The following KIAA0825 variants were observed in gnomAD, a reference collection of about 807,000 sequenced individuals.
KIAA0825 encodes the protein uncharacterized protein KIAA0825.
A neutral mutation model predicts 147.6 loss-of-function variants in KIAA0825; 119 were observed. The ratio of observed to expected loss-of-function variants is 0.81; its 90% confidence interval spans 0.69 to 0.94. The LOEUF (loss-of-function observed/expected upper bound fraction) is 0.94, where lower values mean the gene tolerates loss of function less well. Among genes scored for constraint, KIAA0825 ranks in the 40% least tolerant of loss-of-function variants. KIAA0825 has a pLI of 0.00. For synonymous variants in KIAA0825, 470 were observed against 518.1 expected (o/e 0.91, Z 1.26); for missense variants, 1,381 against 1,472.7 (o/e 0.94, Z 1.02).
At chr5:94,487,765 C>A (rs1169820244) in intron 5 of KIAA0825, among the ~76,000 whole-genome samples, 1 of 152,068 alleles carries the variant, frequency 6.6e-6, no homozygotes, top group East Asian at 1.9e-4. Flanking sequence ...AACCCCATCT[C>A]TACAAAAAAA....
intron 16 of KIAA0825, among the ~76,000 whole-genome samples, chr5:94,400,609 T>C (rs1262370941): frequency 1.3e-5 from 2 of 152,192 alleles, no homozygotes; most frequent in African/African-American, 2.4e-5. Flanking sequence ...AAAAAAGTAA[T>C]TTACTGTTGA....
chr5:94,400,773 T>C (rs558672322), intron 16 of KIAA0825, among the ~76,000 whole-genome samples: 1 of 152,274 alleles, frequency 6.6e-6, no homozygotes, highest in East Asian at 1.9e-4. Context: ...CATCCAACTC[T>C]CCAGTAAATC....
chr5:94,542,790 G>A (rs1371899891), intron 2 of KIAA0825, among the ~76,000 whole-genome samples: 1 of 151,908 alleles, frequency 6.6e-6, no homozygotes, highest in Non-Finnish European at 1.5e-5. Context: ...CTGGGTGACG[G>A]AGCGAGATTC....
At chr5:94,500,790 T>G (rs1764983264) in intron 5 of KIAA0825, among the ~76,000 whole-genome samples, 1 of 152,156 alleles carries the variant, frequency 6.6e-6, no homozygotes, top group Non-Finnish European at 1.5e-5. Flanking sequence ...CTATTATTAT[T>G]TTTTGTGATG....
chr5:94,184,701 T>A (rs1769967860), intron 20 of KIAA0825, among the ~76,000 whole-genome samples: 1 of 152,178 alleles, frequency 6.6e-6, no homozygotes, highest in Non-Finnish European at 1.5e-5. Flanking sequence ...ATGCATATAT[T>A]TATATATACA....
chr5:94,326,635 G>A (rs1780721146), intron 20 of KIAA0825, among the ~76,000 whole-genome samples: 1 of 152,130 alleles, frequency 6.6e-6, no homozygotes, highest in African/African-American at 2.4e-5. Flanking sequence ...ACATTTCACT[G>A]ACCTGTTATG....
intron 20 of KIAA0825, among the ~76,000 whole-genome samples, chr5:94,270,033 T>C (rs2150141460): frequency 6.6e-6 from 1 of 152,094 alleles, no homozygotes; most frequent in South Asian, 2.1e-4. Flanking sequence ...TGCCAATAAA[T>C]TGAAAAACTT....
intron 16 of KIAA0825, among the ~76,000 whole-genome samples, chr5:94,399,866 T>A (rs1459521901): frequency 6.6e-6 from 1 of 152,142 alleles, no homozygotes; most frequent in African/African-American, 2.4e-5. Flanking sequence ...AATGTCAAAA[T>A]TAATTTTTAA....
chr5:94,217,900 G>A (rs996601790), intron 20 of KIAA0825, among the ~76,000 whole-genome samples: 1 of 152,088 alleles, frequency 6.6e-6, no homozygotes, highest in Non-Finnish European at 1.5e-5. Flanking sequence ...ACGTCTCAAT[G>A]TTGGGCATTC....
At chr5:94,492,185 G>T (rs1354492125) in intron 5 of KIAA0825, among the ~76,000 whole-genome samples, 1 of 152,206 alleles carries the variant, frequency 6.6e-6, no homozygotes, top group African/African-American at 2.4e-5. Context: ...GTTACCTGAA[G>T]CACAGAGGTG....
At chr5:94,427,685 AT>A (rs1013039469) in intron 14 of KIAA0825, among the ~76,000 whole-genome samples, 26 of 152,162 alleles carry the variant, frequency 1.7e-4, no homozygotes, top group African/African-American at 9.6e-5. Flanking sequence ...TGGTATAAGT[AT>A]TTTTTTTCCA....
Position 94,508,688 on chromosome 5 carries a change from C to T in KIAA0825, c.970+11560G>A, listed in dbSNP as rs79739785. ...CATGGCTTCCTGCCAGATTCTGAACCGATATATTAAACTCCAAGTGAAGCA... is the reference window on the plus strand; with the variant it reads ...CATGGCTTCCTGCCAGATTCTGAACTGATATATTAAACTCCAAGTGAAGCA... On this transcript the variant is annotated intron_variant, in intron 5 of 20. Coordinates refer to ENST00000682413, the MANE Select transcript of KIAA0825 (RefSeq NM_001145678.3). 4.9e-3 allele frequency among the ~76,000 whole-genome samples: 753 copies of T among 152,202 alleles called. 3 individuals carry two copies. The highest frequency in any genetic ancestry group is 0.017 in the African/African-American group (724 of 41,552).
At chr5:94,191,408 C>A (rs1047246020) in intron 20 of KIAA0825, among the ~76,000 whole-genome samples, 1 of 152,106 alleles carries the variant, frequency 6.6e-6, no homozygotes, top group African/African-American at 2.4e-5. Flanking sequence ...AACAATTCAT[C>A]ATGCAGAAAA....
In KIAA0825 at chr5:94,356,924, C is replaced by T. The variant is rs910307615; in HGVS notation, c.3710+27444G>A. ...ATTTTCAGTACAGACAGGGTTTCAC[C>T]ACGTTGGCCAGTATGGTCTCAATCT... On this transcript the variant is annotated intron_variant, in intron 20 of 20. Coordinates refer to ENST00000682413, the MANE Select transcript of KIAA0825 (RefSeq NM_001145678.3). Among the ~76,000 whole-genome samples the T allele has an allele frequency of 5.3e-5, 8 of 151,956 alleles. No individual in the cohort carries two copies. The East Asian group carries it at 1.6e-3, about 30-fold the overall frequency.
chr5:94,470,002 C>T lies in KIAA0825; in HGVS notation c.1831G>A (p.Ala611Thr). The change falls in exon 10 of 21, where the codon GCT becomes ACT. Residue 611 changes from alanine (A) to threonine (T), a missense_variant. Coordinates refer to ENST00000682413, the MANE Select transcript of KIAA0825 (RefSeq NM_001145678.3). ...TAGTCATCCCAGTGGTGGCTCTCAG[C>T]ATCCTGTAAAATGCTTGTAGCACAA... ...RVCATSILQD[A>T]ESHHWDDYKA... 3 of 1,551,766 alleles carry T rather than the reference C, an allele frequency of 1.9e-6. No homozygotes were observed. In the South Asian group the frequency reaches 3.6e-5, roughly 18 times the overall value.
chr5:94,242,236 C>T (rs1055892698), intron 20 of KIAA0825, among the ~76,000 whole-genome samples: 1 of 152,190 alleles, frequency 6.6e-6, no homozygotes, highest in African/African-American at 2.4e-5. Flanking sequence ...CATTCTCTTT[C>T]TCTGGTTCCC....
chr5:94,513,056 T>A (rs953964288), intron 5 of KIAA0825, among the ~76,000 whole-genome samples: 1 of 152,202 alleles, frequency 6.6e-6, no homozygotes, highest in African/African-American at 2.4e-5. Context: ...ATCTCATGTA[T>A]ACTTGTCCAC....
intron 1 of KIAA0825, among the ~76,000 whole-genome samples, chr5:94,606,574 C>G (rs1276567273): frequency 6.6e-6 from 1 of 152,066 alleles, no homozygotes; most frequent in Non-Finnish European, 1.5e-5. Context: ...ACCAAAGGAA[C>G]AGAATAGGGA....
chr5:94,184,592 A>G (rs1769953872), intron 20 of KIAA0825, among the ~76,000 whole-genome samples: 1 of 152,036 alleles, frequency 6.6e-6, no homozygotes, highest in East Asian at 1.9e-4. Flanking sequence ...ATTCAACAAA[A>G]CCTCCTATAC....
Sources: allele counts gnomAD v4.1 joint callset (sites outside exome capture counted in the v4.1 genomes callset), GRCh38; gene constraint gnomAD v4.1.1; transcripts MANE v1.5; gene names NCBI Gene and HGNC (gene_info 2026-07-23, HGNC 2026-07-21).